Variants in PARD3B observed in about 807,000 individuals in gnomAD.
The protein encoded by PARD3B is partitioning defective 3 homolog B.
Under a neutral mutation model 130.2 loss-of-function variants are expected in PARD3B, and 103 were observed. That is an observed-to-expected ratio of 0.79 (90% CI 0.67 to 0.93). The LOEUF (loss-of-function observed/expected upper bound fraction) is 0.93. Ranked by LOEUF, PARD3B falls within the 40% of genes least tolerant of loss-of-function variation. The pLI, the probability that PARD3B is intolerant of heterozygous loss-of-function variation, is 0.00. For synonymous variants in PARD3B, 583 were observed against 553.2 expected (o/e 1.05, Z -0.76); for missense variants, 1,609 against 1,499.2 (o/e 1.07, Z -1.21).
rs1220176860 is a variant in PARD3B, at chr2:205,421,002, G to A, written c.2742-19368G>A. 1.3e-5 allele frequency among the ~76,000 whole-genome samples: 2 copies of A among 152,268 alleles called. No individual in the cohort carries two copies. Among genetic ancestry groups the A allele is most frequent in the Non-Finnish European group, 1.5e-5 (1 of 68,020 alleles). On this transcript the variant is annotated intron_variant, in intron 19 of 22. Coordinates refer to ENST00000406610, the MANE Select transcript of PARD3B (RefSeq NM_001302769.2). This position sits in a 1 kb window ranked among gnomAD's most constrained non-coding sequence, Gnocchi z 5.1. ...CTAAAAATACAAAAATTAGCTGGAT[G>A]TGGTGGGGCGTGCCCATAGTCCCAG...
intron 6 of PARD3B, among the ~76,000 whole-genome samples, chr2:205,117,555 C>A (rs1417017030): frequency 1.3e-5 from 2 of 152,186 alleles, no homozygotes; most frequent in Non-Finnish European, 2.9e-5. Flanking sequence ...TGTAGATTCC[C>A]CTTTTCTATG....
chr2:204,843,620 C>G (rs1344137688), intron 2 of PARD3B, among the ~76,000 whole-genome samples: 1 of 152,070 alleles, frequency 6.6e-6, no homozygotes, highest in Admixed American at 6.6e-5. Context: ...AAACTGCTGA[C>G]CTCCTCAGCT....
chr2:205,023,742 G>A (rs1217866027), intron 3 of PARD3B, among the ~76,000 whole-genome samples: 1 of 151,840 alleles, frequency 6.6e-6, no homozygotes, highest in Non-Finnish European at 1.5e-5. Context: ...AAGAGTTTTA[G>A]GCTTTTCTCT....
At chr2:205,167,524 G>T (rs965180154) in intron 11 of PARD3B, among the ~76,000 whole-genome samples, 5 of 152,124 alleles carry the variant, frequency 3.3e-5, no homozygotes, top group Admixed American at 6.6e-5. Flanking sequence ...AACATGACTT[G>T]TAACAATTCA....
At chr2:205,233,313 A>G (rs1394301655) in intron 15 of PARD3B, among the ~76,000 whole-genome samples, 5 of 152,194 alleles carry the variant, frequency 3.3e-5, no homozygotes, top group Non-Finnish European at 5.9e-5. Context: ...CAGAAATACA[A>G]AAGTTGAAAG....
chr2:205,205,789 A>T (rs560452669), intron 15 of PARD3B, among the ~76,000 whole-genome samples: 1 of 152,330 alleles, frequency 6.6e-6, no homozygotes, highest in South Asian at 2.1e-4. Flanking sequence ...CATCCCAGGG[A>T]TGAAGCCAAC....
intron 2 of PARD3B, among the ~76,000 whole-genome samples, chr2:204,700,573 T>C (rs899893738): frequency 6.6e-5 from 10 of 152,142 alleles, no homozygotes; most frequent in Non-Finnish European, 1.2e-4. Context: ...CAGTGTTTTA[T>C]AGTATCTCTT....
chr2:205,575,411 C>T lies in PARD3B; in HGVS notation c.3260+22008C>T, dbSNP rs1015278957. Among the ~76,000 whole-genome samples the T allele has an allele frequency of 1.3e-5, 2 of 151,956 alleles. No homozygotes were observed. The highest frequency in any genetic ancestry group is 6.6e-5 in the Admixed American group (1 of 15,248). ...CCAAAGCCCATAGTTTACATTAGCG[C>T]TCTCTCGGTGTTGTTCATTCTGTGG... On this transcript the variant is annotated intron_variant, in intron 22 of 22. Transcript: ENST00000406610. This position sits in a 1 kb window ranked among gnomAD's most constrained non-coding sequence, Gnocchi z 4.6.
At chr2:204,999,667 G>A (rs1228980107) in intron 3 of PARD3B, among the ~76,000 whole-genome samples, 1 of 152,114 alleles carries the variant, frequency 6.6e-6, no homozygotes, top group Non-Finnish European at 1.5e-5. Flanking sequence ...CTTCTTAATT[G>A]CTATAATATT....
chr2:205,244,409 C>A lies in PARD3B; in HGVS notation c.2141-1369C>A, dbSNP rs2039482009. 6.6e-6 allele frequency among the ~76,000 whole-genome samples: 1 copy of A among 152,126 alleles called. No individual in the cohort carries two copies. On this transcript the variant is annotated intron_variant, in intron 15 of 22. Coordinates refer to ENST00000406610, the MANE Select transcript of PARD3B (RefSeq NM_001302769.2). The surrounding 1 kb of genome is among the most constrained non-coding windows in gnomAD (Gnocchi z 4.7). ...TTTTGTTGAATATTAAAGTGATGAT[C>A]TATGCAGAGATGCTTAAGGATTAAG...
At chr2:205,059,859 G>T (rs1185417189) in intron 4 of PARD3B, among the ~76,000 whole-genome samples, 1 of 152,018 alleles carries the variant, frequency 6.6e-6, no homozygotes, top group African/African-American at 2.4e-5. Context: ...CCTTGGAGGA[G>T]GGCTACTTTT....
chr2:205,507,988 T>C (rs921038614), intron 21 of PARD3B, among the ~76,000 whole-genome samples: 13 of 152,214 alleles, frequency 8.5e-5, no homozygotes, highest in African/African-American at 3.1e-4. Context: ...AATGACATTT[T>C]AGTTCACCTC....
rs1014062917 is a variant in PARD3B, at chr2:204,996,582, G to T, written c.394+31259G>T. On this transcript the variant is annotated intron_variant, in intron 3 of 22. Coordinates refer to ENST00000406610, the MANE Select transcript of PARD3B (RefSeq NM_001302769.2). ...AGGTGGAGCCTACAGAGGCAGGCAGGCCTCCTTGAGTTGTGGTGGGCTCCA... is the reference window on the plus strand; with the variant it reads ...AGGTGGAGCCTACAGAGGCAGGCAGTCCTCCTTGAGTTGTGGTGGGCTCCA... 7.9e-5 allele frequency among the ~76,000 whole-genome samples: 12 copies of T among 151,690 alleles called. 1 individual carries two copies. Among genetic ancestry groups the T allele is most frequent in the African/African-American group, 2.9e-4 (12 of 41,440 alleles).
At chr2:205,401,521 C>G (rs2046251034) in intron 19 of PARD3B, among the ~76,000 whole-genome samples, 1 of 152,026 alleles carries the variant, frequency 6.6e-6, no homozygotes, top group Non-Finnish European at 1.5e-5. Context: ...CTGCGCAATC[C>G]GTTTGGGTCC....
chr2:204,622,554 G>T (rs2034341860), intron 1 of PARD3B, among the ~76,000 whole-genome samples: 1 of 151,812 alleles, frequency 6.6e-6, no homozygotes, highest in Non-Finnish European at 1.5e-5. Context: ...TGGAGTATTA[G>T]ACTATAATAT....
At chr2:205,398,080 C>T (rs957202391) in intron 18 of PARD3B, among the ~76,000 whole-genome samples, 19 of 152,072 alleles carry the variant, frequency 1.2e-4, no homozygotes, top group African/African-American at 4.1e-4. Context: ...AGGCAGATCA[C>T]CTGAGGTCAG....
intron 1 of PARD3B, among the ~76,000 whole-genome samples, chr2:204,557,026 G>A (rs560006094): frequency 6.7e-6 from 1 of 149,708 alleles, no homozygotes; most frequent in Non-Finnish European, 1.5e-5. Flanking sequence ...TTTTGAGACA[G>A]AGTCTCACCC....
intron 20 of PARD3B, among the ~76,000 whole-genome samples, chr2:205,486,577 G>A (rs2049451163): frequency 1.3e-5 from 2 of 152,158 alleles, no homozygotes; most frequent in Admixed American, 1.3e-4. Flanking sequence ...GCCTCAGGGA[G>A]CTTTTACTTA....
chr2:204,740,732 G>A (rs2039973585), intron 2 of PARD3B, among the ~76,000 whole-genome samples: 1 of 152,102 alleles, frequency 6.6e-6, no homozygotes, highest in Non-Finnish European at 1.5e-5. Context: ...ATGTATCTTG[G>A]GCTTCCTCAG....
Sources: gnomAD v4.1 joint callset for allele counts (sites outside exome capture counted in the v4.1 genomes callset) on GRCh38, gnomAD v4.1.1 for gene constraint, Gnocchi (gnomAD v3.1) non-coding constraint, MANE v1.5 for transcripts, NCBI Gene and HGNC (gene_info 2026-07-23, HGNC 2026-07-21) for gene names.